RBFOX3: variants seen among roughly 807,000 people sequenced by gnomAD.
RBFOX3 encodes the protein RNA binding fox-1 homolog 3, also known as RNA binding protein fox-1 homolog 3.
In RBFOX3, 17 loss-of-function variants were observed where a neutral mutation model predicts 48.7. The ratio of observed to expected loss-of-function variants is 0.35; its 90% confidence interval spans 0.24 to 0.52. The LOEUF is 0.52. RBFOX3 is among the 20% of genes least tolerant of loss of function. RBFOX3 has a pLI of 0.94. For synonymous variants in RBFOX3, 212 were observed against 209.5 expected, an observed-to-expected ratio of 1.01 and a Z score of -0.10; for missense variants, 382 against 497.5, an observed-to-expected ratio of 0.77 and a Z score of 2.21.
At chr17:79,486,568 C>A (rs1023944588) in intron 1 of RBFOX3, among the ~76,000 whole-genome samples, 1 of 152,148 alleles carries the variant, frequency 6.6e-6, no homozygotes, top group South Asian at 2.1e-4. Context: ...CGAGCACAGA[C>A]GGGCCATCCT....
chr17:79,092,681 CT>C (rs1269783280), intron 14 of RBFOX3: 1 of 901,462 alleles, frequency 1.1e-6, no homozygotes, highest in Non-Finnish European at 1.3e-6. Context: ...TCAGTACCGT[CT>C]TTTGGAAGAG....
intron 1 of RBFOX3, among the ~76,000 whole-genome samples, chr17:79,574,131 T>C (rs2092778978): frequency 6.6e-6 from 1 of 152,104 alleles, no homozygotes; most frequent in Non-Finnish European, 1.5e-5. Flanking sequence ...TTACAGAAGG[T>C]GGATCTTCAT....
At chr17:79,427,560 A>C (rs782748394) in intron 2 of RBFOX3, among the ~76,000 whole-genome samples, 4 of 152,212 alleles carry the variant, frequency 2.6e-5, no homozygotes, top group Non-Finnish European at 5.9e-5. Flanking sequence ...GTCCCATTGA[A>C]GGCACCAAGA....
chr17:79,326,667 G>A (rs763741362), intron 2 of RBFOX3, among the ~76,000 whole-genome samples: 3 of 152,122 alleles, frequency 2.0e-5, no homozygotes, highest in Non-Finnish European at 1.5e-5. Flanking sequence ...CAGAGGTGGC[G>A]AGCTCCCTGC....
intron 3 of RBFOX3, among the ~76,000 whole-genome samples, chr17:79,289,466 G>A (rs2072780018): frequency 6.6e-6 from 1 of 152,246 alleles, no homozygotes; most frequent in African/African-American, 2.4e-5. Flanking sequence ...GCCCTTGACT[G>A]GCCTTTGCCC....
rs111906775 is a variant in RBFOX3, at chr17:79,482,752, C to T, written c.-319-154G>A. Among the ~76,000 whole-genome samples the T allele has an allele frequency of 6.8e-3, 1,031 of 152,228 alleles. 3 individuals carry two copies. Among genetic ancestry groups the T allele is most frequent in the African/African-American group, 0.023 (973 of 41,508 alleles). On this transcript the variant is annotated intron_variant, in intron 1 of 14. Coordinates refer to ENST00000693108, the MANE Select transcript of RBFOX3 (RefSeq NM_001350451.2). This position sits in a 1 kb window ranked among gnomAD's most constrained non-coding sequence, Gnocchi z 4.1. ...GGATCGAGGGATTGAGGGATCAGCA[C>T]CCTCCAAAGGGCACTTTGCTTTTTA... is the stretch of plus-strand genomic sequence containing the variant.
intron 2 of RBFOX3, among the ~76,000 whole-genome samples, chr17:79,365,164 C>T (rs1227865727): frequency 6.6e-6 from 1 of 152,110 alleles, no homozygotes. Context: ...TGCACATGCA[C>T]ACGGTATTTC....
intron 4 of RBFOX3, among the ~76,000 whole-genome samples, chr17:79,203,903 C>T (rs2057143431): frequency 6.6e-6 from 1 of 152,150 alleles, no homozygotes; most frequent in Non-Finnish European, 1.5e-5. Context: ...GCACTTCTCC[C>T]CTGACGAAGT....
intron 2 of RBFOX3, among the ~76,000 whole-genome samples, chr17:79,461,686 G>C (rs1555748915): frequency 6.6e-6 from 1 of 152,198 alleles, no homozygotes; most frequent in Non-Finnish European, 1.5e-5. Context: ...TTCGGAAACA[G>C]GGTCTGCACA....
chr17:79,587,835 C>T (rs1168161098), intron 1 of RBFOX3, among the ~76,000 whole-genome samples: 1 of 152,136 alleles, frequency 6.6e-6, no homozygotes, highest in African/African-American at 2.4e-5. Context: ...GAGGACGGAA[C>T]ATTTGAGTTG....
At chr17:79,139,834 C>T (rs2041545735) in intron 4 of RBFOX3, among the ~76,000 whole-genome samples, 1 of 152,250 alleles carries the variant, frequency 6.6e-6, no homozygotes, top group Non-Finnish European at 1.5e-5. Flanking sequence ...GGCAGAACCA[C>T]CGTGTGTGCC....
At chr17:79,646,055 C>G in the RBFOX3 span, among the ~76,000 whole-genome samples, 3,272 of 152,312 alleles carry the variant, frequency 0.021, 115 homozygotes, top group African/African-American at 0.075. Flanking sequence ...GCCTCTCCCC[C>G]TCCACCCTTT....
rs191029400 is a variant in RBFOX3, at chr17:79,364,380, G to A, written c.-174-56556C>T. 1.1e-4 allele frequency among the ~76,000 whole-genome samples: 16 copies of A among 152,318 alleles called. No individual in the cohort carries two copies. The highest frequency in any genetic ancestry group is 2.6e-4 in the Admixed American group (4 of 15,310). ...CACGCTTGGGTGTTCCTTGAATGAC[G>A]GGGCTGATGGAGATAAAGCTGCCAT... On this transcript the variant is annotated intron_variant, in intron 2 of 14. Coordinates refer to ENST00000693108, the MANE Select transcript of RBFOX3 (RefSeq NM_001350451.2). The surrounding 1 kb of genome is among the most constrained non-coding windows in gnomAD (Gnocchi z 5.1).
At chr17:79,312,115 T>C (rs2076934253) in intron 2 of RBFOX3, among the ~76,000 whole-genome samples, 2 of 152,086 alleles carry the variant, frequency 1.3e-5, no homozygotes, top group Admixed American at 6.6e-5. Context: ...ACTAATCGTT[T>C]TCTGAATCAA....
intron 2 of RBFOX3, among the ~76,000 whole-genome samples, chr17:79,403,995 G>A (rs2063193589): frequency 6.6e-6 from 1 of 152,048 alleles, no homozygotes; most frequent in South Asian, 2.1e-4. Flanking sequence ...AACCAGGATG[G>A]TCTTGATCTC....
rs1215862146 is a variant in RBFOX3, at chr17:79,391,518, C to T, written c.-174-83694G>A. On this transcript the variant is annotated intron_variant, in intron 2 of 14. Coordinates refer to ENST00000693108, the MANE Select transcript of RBFOX3 (RefSeq NM_001350451.2). This position sits in a 1 kb window ranked among gnomAD's most constrained non-coding sequence, Gnocchi z 5.0. ...AGTTCATGACTTGTCCGCCCAAATA[C>T]GGCAAATGCCACCGATTTTAATCTC... Among the ~76,000 whole-genome samples, 5 of 152,204 alleles carry T rather than the reference C, an allele frequency of 3.3e-5. No individual in the cohort carries two copies. In the South Asian group the frequency reaches 1.0e-3, roughly 31 times the overall value.
chr17:79,487,752 A>C (rs775369933), intron 1 of RBFOX3, among the ~76,000 whole-genome samples: 1 of 151,880 alleles, frequency 6.6e-6, no homozygotes, highest in Non-Finnish European at 1.5e-5. Context: ...TTTACTAAAA[A>C]TACAAAAAAT....
chr17:79,303,667 G>A (rs185024602), intron 3 of RBFOX3, among the ~76,000 whole-genome samples: 38 of 152,150 alleles, frequency 2.5e-4, no homozygotes, highest in Admixed American at 1.0e-3. Context: ...TTTACTCCCC[G>A]AGAATGGTTG....
rs143974411 is a variant in RBFOX3 at position 79,355,147 on chromosome 17, C to A, written c.-174-47323G>T. On this transcript the variant is annotated intron_variant, in intron 2 of 14. Coordinates refer to ENST00000693108, the MANE Select transcript of RBFOX3 (RefSeq NM_001350451.2). ...ACATGACCGTGTAATCAACTTAACA[C>A]ATTTAACATTTAACACGGGGTTCGG... Among the ~76,000 whole-genome samples, 225 of 152,348 alleles carry A rather than the reference C, an allele frequency of 1.5e-3. 1 individual carries two copies. Among genetic ancestry groups the A allele is most frequent in the Middle Eastern group, 6.8e-3 (2 of 294 alleles).
Sources: gnomAD v4.1 joint callset for allele counts (sites outside exome capture counted in the v4.1 genomes callset) on GRCh38, gnomAD v4.1.1 for gene constraint, Gnocchi (gnomAD v3.1) non-coding constraint, MANE v1.5 for transcripts, NCBI Gene and HGNC (gene_info 2026-07-23, HGNC 2026-07-21) for gene names.